Variants in NEBL observed in about 807,000 individuals in gnomAD.
NEBL encodes the protein LIM and SH3 protein 2.
Under a neutral mutation model 140.2 loss-of-function variants are expected in NEBL, and 122 were observed. That is an observed-to-expected ratio of 0.87 (90% CI 0.75 to 1.01). The LOEUF is 1.01. NEBL is among the 50% of genes least tolerant of loss of function. The pLI, the probability that NEBL is intolerant of heterozygous loss-of-function variation, is 0.00. For synonymous variants in NEBL, 436 were observed against 398.9 expected (o/e 1.09, Z -1.11); for missense variants, 1,365 against 1,231.3 (o/e 1.11, Z -1.62).
chr10:20,783,056 A>T lies in NEBL; in HGVS notation c.*2691T>A, dbSNP rs1835131539. On this transcript the variant is annotated 3_prime_UTR_variant, in exon 28 of 28. Transcript: ENST00000377122. Reference sequence around the variant, plus strand: ...TCTGTGCTTGGACATTTACACAGTCATCTTTAACTCAATTTTTAAAATCTT... The same window carrying T: ...TCTGTGCTTGGACATTTACACAGTCTTCTTTAACTCAATTTTTAAAATCTT... The T allele has an allele frequency of 6.6e-6, 1 of 152,604 alleles. No individual in the cohort carries two copies. Among genetic ancestry groups the T allele is most frequent in the Non-Finnish European group, 1.5e-5 (1 of 68,036 alleles). The allele number at this position is 152,604 out of a possible 1,614,324, so 9.5% of individuals were successfully genotyped here. A position where few individuals can be genotyped will look rare whatever the true frequency, so the allele number is the denominator to read the frequency against.
intron 26 of NEBL, among the ~76,000 whole-genome samples, chr10:20,791,922 C>T (rs1304450425): frequency 6.6e-6 from 1 of 152,024 alleles, no homozygotes; most frequent in Non-Finnish European, 1.5e-5. Context: ...TTAATTACTG[C>T]AACAACTATC....
At position 20,782,416 on chromosome 10, in the gene NEBL, G is replaced by A. The variant is rs1835092549; in HGVS notation, c.*3331C>T. 6.6e-6 allele frequency: 1 copy of A among 152,602 alleles called. No homozygotes were observed. Among genetic ancestry groups the A allele is most frequent in the Non-Finnish European group, 1.5e-5 (1 of 68,034 alleles). 9.5% of individuals were successfully genotyped at this position (152,602 alleles called of 1,614,324 possible). ...CTTTTATTGAAAACATTCCACTGGA[G>A]ATGGATGAACCTGAAAACGAGGTAC... is the stretch of plus-strand genomic sequence containing the variant. On this transcript the variant is annotated 3_prime_UTR_variant, in exon 28 of 28. Coordinates refer to ENST00000377122, the MANE Select transcript of NEBL (RefSeq NM_006393.3).
intron 2 of NEBL, among the ~76,000 whole-genome samples, chr10:21,075,995 A>T (rs1295122759): frequency 6.6e-6 from 1 of 152,170 alleles, no homozygotes; most frequent in East Asian, 1.9e-4. Context: ...GACTGCACAC[A>T]CATTACGATG....
chr10:21,259,821 G>A (rs1051761429), intron 1 of NEBL, among the ~76,000 whole-genome samples: 12 of 152,150 alleles, frequency 7.9e-5, no homozygotes, highest in African/African-American at 2.2e-4. Flanking sequence ...TATTGCAAGC[G>A]TCTTCCTAGA....
At chr10:20,854,719 C>A (rs1842884963) in intron 9 of NEBL, among the ~76,000 whole-genome samples, 2 of 151,760 alleles carry the variant, frequency 1.3e-5, no homozygotes, top group Admixed American at 1.3e-4. Context: ...TGCATGTCAC[C>A]ATGCCTAGCT....
chr10:20,836,173 G>A (rs1053539236), intron 13 of NEBL, among the ~76,000 whole-genome samples: 4 of 151,810 alleles, frequency 2.6e-5, no homozygotes, highest in Non-Finnish European at 5.9e-5. Flanking sequence ...ATGGTGTCTC[G>A]GTGTCACATT....
intron 1 of NEBL, among the ~76,000 whole-genome samples, chr10:21,270,368 ATTTTT>A (rs59338756): frequency 1.2e-4 from 17 of 144,356 alleles, no homozygotes; most frequent in African/African-American, 3.3e-4. Context: ...TATTTTCCAT[ATTTTT>A]TTTTTTTTTT....
intron 4 of NEBL, among the ~76,000 whole-genome samples, chr10:20,937,983 T>G (rs1303299698): frequency 1.3e-5 from 2 of 152,184 alleles, no homozygotes; most frequent in East Asian, 3.9e-4. Flanking sequence ...CAAGGAGGCC[T>G]GCCTGCCTCT....
intron 2 of NEBL, among the ~76,000 whole-genome samples, chr10:21,106,104 C>G (rs1260122752): frequency 6.6e-6 from 1 of 151,730 alleles, no homozygotes; most frequent in Non-Finnish European, 1.5e-5. Flanking sequence ...GTCAGATGGG[C>G]AGATTGCAAA....
chr10:21,107,439 CT>C (rs1337690076), intron 2 of NEBL, among the ~76,000 whole-genome samples: 1 of 151,942 alleles, frequency 6.6e-6, no homozygotes, highest in African/African-American at 2.4e-5. Context: ...GTGGTTTTTG[CT>C]GTTAGTTCTG....
chr10:21,093,343 T>TTTATAGGTGAC (rs1226458274), intron 2 of NEBL, among the ~76,000 whole-genome samples: 2 of 151,814 alleles, frequency 1.3e-5, no homozygotes, highest in Non-Finnish European at 2.9e-5. Context: ...TGGACAAAAT[T>TTTATAGGTGAC]TTATAGGTGA....
chr10:20,796,367 G>GAAAAAAAAAAAAAAAA (rs57844177), intron 26 of NEBL, among the ~76,000 whole-genome samples: 1 of 51,498 alleles, frequency 1.9e-5, no homozygotes, highest in Non-Finnish European at 3.7e-5. Flanking sequence ...TCTAAAACAA[G>GAAAAAAAAAAAAAAAA]AAAAAAAAAA....
chr10:20,781,567 C>T lies in NEBL; in HGVS notation c.*4180G>A, dbSNP rs1382088940. 2.0e-5 allele frequency: 3 copies of T among 152,194 alleles called. No homozygotes were observed. The highest frequency in any genetic ancestry group is 6.5e-5 in the Admixed American group (1 of 15,278). 9.4% of individuals were successfully genotyped at this position (152,194 alleles called of 1,614,324 possible). ...TTACAAAGAAGTGATACTATGCAAACTGGATACCATGTATCAAGCACAAAA... is the reference window on the plus strand; with the variant it reads ...TTACAAAGAAGTGATACTATGCAAATTGGATACCATGTATCAAGCACAAAA... On this transcript the variant is annotated 3_prime_UTR_variant, in exon 28 of 28. Transcript: ENST00000377122.
At chr10:21,177,136 C>T (rs570285621), upstream of NEBL, among the ~76,000 whole-genome samples, 2 of 152,306 alleles carry the variant, frequency 1.3e-5, no homozygotes, top group South Asian at 2.1e-4. Flanking sequence ...TGACTTCCTT[C>T]GGCCAATGGA....
At chr10:20,947,790 C>T (rs1329598062) in intron 4 of NEBL, among the ~76,000 whole-genome samples, 1 of 152,064 alleles carries the variant, frequency 6.6e-6, no homozygotes, top group Admixed American at 6.6e-5. Context: ...TGAGCACATG[C>T]TTCATGCGTA....
At chr10:20,972,482 T>C (rs534747047) in intron 3 of NEBL, among the ~76,000 whole-genome samples, 30 of 152,220 alleles carry the variant, frequency 2.0e-4, no homozygotes, top group African/African-American at 6.0e-4. Context: ...CAGTGGCTCA[T>C]GCCTGTAATC....
chr10:20,833,712 C>T (rs1194922997), intron 14 of NEBL, among the ~76,000 whole-genome samples: 1 of 150,234 alleles, frequency 6.7e-6, no homozygotes, highest in Non-Finnish European at 1.5e-5. Flanking sequence ...GCCGAGATTG[C>T]ACCACTGCAC....
At position 21,237,526 on chromosome 10, in the gene NEBL, G is replaced by A. The variant is rs1049872274; in HGVS notation, n.348+10395C>T. On this transcript the variant is annotated intron_variant and non_coding_transcript_variant, in intron 3 of 8. Transcript: ENST00000675702. ...TGCCTAATATGACATCTTTCATGAAGCCTTTTTTTCTGTTAACATCTAATT... is the reference window on the plus strand; with the variant it reads ...TGCCTAATATGACATCTTTCATGAAACCTTTTTTTCTGTTAACATCTAATT... Among the ~76,000 whole-genome samples, 9 of 151,868 alleles carry A rather than the reference G, an allele frequency of 5.9e-5. 1 individual carries two copies. Among genetic ancestry groups the A allele is most frequent in the Middle Eastern group, 6.3e-3 (2 of 316 alleles).
At chr10:21,162,168 G>T (rs1840584778) in intron 2 of NEBL, among the ~76,000 whole-genome samples, 1 of 152,202 alleles carries the variant, frequency 6.6e-6, no homozygotes, top group Non-Finnish European at 1.5e-5. Context: ...GTGCCAGGAA[G>T]AAAACACATA....
Sources: allele counts gnomAD v4.1 joint callset (sites outside exome capture counted in the v4.1 genomes callset), GRCh38; gene constraint gnomAD v4.1.1; transcripts MANE v1.5; gene names NCBI Gene and HGNC (gene_info 2026-07-23, HGNC 2026-07-21).